The following NEGR1 variants were observed in gnomAD, a reference collection of about 807,000 sequenced individuals.
NEGR1 encodes neuronal growth regulator 1.
NEGR1 carries 10 observed loss-of-function variants against 40.9 expected under a neutral mutation model. That is an observed-to-expected ratio of 0.24 (90% CI 0.15 to 0.42). The LOEUF (loss-of-function observed/expected upper bound fraction) is 0.42, where lower values mean the gene tolerates loss of function less well. Ranked by LOEUF, NEGR1 falls within the 10% of genes least tolerant of loss-of-function variation. The pLI, the probability that NEGR1 is intolerant of heterozygous loss-of-function variation, is 1.00. For missense variants in NEGR1, 352 were observed against 438.9 expected (o/e 0.80, Z 1.77); for synonymous variants, 185 against 166.8 (o/e 1.11, Z -0.84).
At chr1:71,776,134 T>C (rs1241200532) in intron 3 of NEGR1, 38 bp downstream of exon 3, 3 of 1,504,528 alleles carry the variant, frequency 2.0e-6, no homozygotes, top group South Asian at 1.3e-5. Context: ...AGGAGAAAAA[T>C]GAACAGCACA....
intron 1 of NEGR1, among the ~76,000 whole-genome samples, chr1:72,241,846 C>T (rs749409305): frequency 6.6e-6 from 1 of 151,438 alleles, no homozygotes; most frequent in African/African-American, 2.4e-5. Flanking sequence ...TATATTAATA[C>T]TTGTATATAA....
At chr1:71,755,875 A>T (rs1655715655) in intron 3 of NEGR1, among the ~76,000 whole-genome samples, 1 of 152,208 alleles carries the variant, frequency 6.6e-6, no homozygotes, top group African/African-American at 2.4e-5. Context: ...GTAAGTGTTG[A>T]ATAGATGAGT....
At chr1:71,613,393 T>A (rs1650329999) in intron 4 of NEGR1, among the ~76,000 whole-genome samples, 1 of 152,096 alleles carries the variant, frequency 6.6e-6, no homozygotes, top group Non-Finnish European at 1.5e-5. Flanking sequence ...ACACCTATAA[T>A]CCCAGCACTT....
intron 1 of NEGR1, among the ~76,000 whole-genome samples, chr1:72,232,151 C>T (rs1654386667): frequency 6.6e-6 from 1 of 151,782 alleles, no homozygotes; most frequent in Non-Finnish European, 1.5e-5. Context: ...GTCAGGAATT[C>T]GAGACCAGCT....
At chr1:72,103,197 A>T (rs1649010305) in intron 1 of NEGR1, among the ~76,000 whole-genome samples, 1 of 152,116 alleles carries the variant, frequency 6.6e-6, no homozygotes, top group South Asian at 2.1e-4. Flanking sequence ...ACATTTGGCC[A>T]TTACAGTCTT....
rs1281546753 is a variant in NEGR1, at chr1:72,079,210, C to G, written c.177-143899G>C. ...AAAAAGTGAAAGTAATTTGAGCATT[C>G]TTAATACTCATTAGTTTATTTAAGA... is the stretch of plus-strand genomic sequence containing the variant. On this transcript the variant is annotated intron_variant, in intron 1 of 6. Transcript: ENST00000357731. Among the ~76,000 whole-genome samples the G allele has an allele frequency of 4.0e-5, 6 of 151,294 alleles. No homozygotes were observed. In the East Asian group the frequency reaches 9.8e-4, roughly 25 times the overall value.
chr1:71,841,975 C>T (rs999395351), intron 2 of NEGR1, among the ~76,000 whole-genome samples: 3 of 152,120 alleles, frequency 2.0e-5, no homozygotes, highest in Non-Finnish European at 2.9e-5. Flanking sequence ...GATGAGGAAG[C>T]TGAGGCTCTG....
chr1:71,894,475 C>T (rs1284553331), intron 2 of NEGR1, among the ~76,000 whole-genome samples: 1 of 152,154 alleles, frequency 6.6e-6, no homozygotes, highest in Non-Finnish European at 1.5e-5. Context: ...AAACACTTTA[C>T]ATGGATAATA....
intron 6 of NEGR1, among the ~76,000 whole-genome samples, 179 bp downstream of exon 6, chr1:71,592,637 TG>T (rs546949158): frequency 2.3e-4 from 35 of 152,340 alleles, no homozygotes; most frequent in Middle Eastern, 6.8e-3. Context: ...ATAAAATCCT[TG>T]GACAACTATA....
intron 1 of NEGR1, among the ~76,000 whole-genome samples, chr1:72,088,705 A>C (rs1648323956): frequency 6.6e-6 from 1 of 151,934 alleles, no homozygotes; most frequent in African/African-American, 2.4e-5. Context: ...TTTTAAAGAC[A>C]CTGACCCTAA....
At chr1:72,067,654 A>T (rs1428195325) in intron 1 of NEGR1, among the ~76,000 whole-genome samples, 1 of 152,128 alleles carries the variant, frequency 6.6e-6, no homozygotes, top group Non-Finnish European at 1.5e-5. Flanking sequence ...CTAACAAGAA[A>T]GATAGTCAGT....
intron 1 of NEGR1, among the ~76,000 whole-genome samples, chr1:72,272,091 AATTAT>A (rs1233518893): frequency 1.3e-5 from 2 of 151,940 alleles, no homozygotes; most frequent in East Asian, 3.9e-4. Flanking sequence ...TTATGTAATA[AATTAT>A]AAGAAACTAA....
At chr1:72,185,748 T>C (rs571891154) in intron 1 of NEGR1, among the ~76,000 whole-genome samples, 2 of 152,010 alleles carry the variant, frequency 1.3e-5, no homozygotes, top group East Asian at 1.9e-4. Context: ...CTCAAGTTAC[T>C]GTTTGGATGT....
intron 1 of NEGR1, among the ~76,000 whole-genome samples, chr1:72,135,204 G>A (rs1212583061): frequency 1.3e-5 from 2 of 149,374 alleles, no homozygotes; most frequent in African/African-American, 2.4e-5. Context: ...GTGAAACCCC[G>A]TCTGTACTAA....
At chr1:71,928,925 T>C (rs1645827906) in intron 2 of NEGR1, among the ~76,000 whole-genome samples, 1 of 152,042 alleles carries the variant, frequency 6.6e-6, no homozygotes, top group African/African-American at 2.4e-5. Context: ...ATAATGTAAA[T>C]GGGGTAAGTA....
intron 2 of NEGR1, among the ~76,000 whole-genome samples, chr1:71,866,252 G>A (rs1185498247): frequency 2.6e-5 from 4 of 151,956 alleles, no homozygotes; most frequent in Admixed American, 2.6e-4. Flanking sequence ...AGAAACACAA[G>A]AAGAACAGTA....
chr1:71,420,253 C>T (rs1433089813), intron 6 of NEGR1, among the ~76,000 whole-genome samples: 1 of 152,044 alleles, frequency 6.6e-6, no homozygotes, highest in East Asian at 1.9e-4. Flanking sequence ...TTTAGCAGTA[C>T]TTTCAATTAT....
chr1:71,699,269 C>T (rs1399510331), intron 3 of NEGR1, among the ~76,000 whole-genome samples: 1 of 151,882 alleles, frequency 6.6e-6, no homozygotes, highest in African/African-American at 2.4e-5. Context: ...TAAAGTCCAT[C>T]CCAATAATTT....
chr1:71,651,184 A>G (rs1294347855), intron 4 of NEGR1, among the ~76,000 whole-genome samples: 1 of 152,160 alleles, frequency 6.6e-6, no homozygotes. Flanking sequence ...TTACATGATC[A>G]AAGAATAACA....
Sources: allele counts gnomAD v4.1 joint callset (sites outside exome capture counted in the v4.1 genomes callset), GRCh38; gene constraint gnomAD v4.1.1; transcripts MANE v1.5; gene names NCBI Gene and HGNC (gene_info 2026-07-23, HGNC 2026-07-21).